The following ENOX1 variants were observed in gnomAD, a reference collection of about 807,000 sequenced individuals.
The protein encoded by ENOX1 is candidate growth-related and time keeping constitutive hydroquinone (NADH) oxidase.
ENOX1 carries 42 observed loss-of-function variants against 82.5 expected under a neutral mutation model. The ratio of observed to expected loss-of-function variants is 0.51; its 90% CI spans 0.40 to 0.66. The LOEUF (loss-of-function observed/expected upper bound fraction) is 0.66, where lower values mean the gene tolerates loss of function less well. Ranked by LOEUF, ENOX1 falls within the 30% of genes least tolerant of loss-of-function variation. ENOX1 has a pLI of 0.00. For missense variants in ENOX1, 608 were observed against 811.6 expected, an observed-to-expected ratio of 0.75 and a Z score of 3.05; for synonymous variants, 271 against 282.2, an observed-to-expected ratio of 0.96 and a Z score of 0.40.
chr13:43,324,802 C>T (rs868564812), intron 10 of ENOX1, among the ~76,000 whole-genome samples: 5 of 152,248 alleles, frequency 3.3e-5, no homozygotes, highest in South Asian at 4.1e-4. Flanking sequence ...ACCACACCCA[C>T]GCAGAGGAGG....
intron 3 of ENOX1, among the ~76,000 whole-genome samples, chr13:43,439,041 C>CTTTTTTTTT (rs61212622): frequency 1.7e-4 from 21 of 120,140 alleles, no homozygotes; most frequent in Non-Finnish European, 3.4e-4. Flanking sequence ...GTCTTTTAAT[C>CTTTTTTTTT]TTTTTTTTTT....
chr13:43,564,240 G>A (rs1020983734), intron 2 of ENOX1, among the ~76,000 whole-genome samples: 1 of 151,982 alleles, frequency 6.6e-6, no homozygotes, highest in Admixed American at 6.6e-5. Flanking sequence ...TGGATTAGAA[G>A]AATTAATATT....
intron 2 of ENOX1, among the ~76,000 whole-genome samples, chr13:43,628,613 G>T (rs1462747276): frequency 6.6e-6 from 1 of 152,186 alleles, no homozygotes; most frequent in Admixed American, 6.6e-5. Context: ...GGCAGCTATT[G>T]ACTGTCTCTT....
chr13:43,356,022 C>T lies in ENOX1; in HGVS notation c.720G>A (p.Arg240=), dbSNP rs778853119. Residue 240 remains arginine (R), a synonymous_variant, in exon 8 of 17, where the codon CGG becomes CGA. Transcript: ENST00000690772. The part of the protein sequence containing the change: ...CKQRMRAREE[R]HRRKLEEDRL... ...GGTCCTCCTCCAGCTTGCGCCGGTG[C>T]CGCTCCTCCCGGGCACGCATCCTCT... 1.2e-6 allele frequency: 2 copies of T among 1,614,072 alleles called. No individual in the cohort carries two copies. Among genetic ancestry groups the T allele is most frequent in the Non-Finnish European group, 1.7e-6 (2 of 1,180,028 alleles).
chr13:43,630,441 A>T (rs1368495103), intron 2 of ENOX1, among the ~76,000 whole-genome samples: 1 of 152,140 alleles, frequency 6.6e-6, no homozygotes, highest in Admixed American at 6.6e-5. Flanking sequence ...CTATCATTTA[A>T]GATAGAAATA....
At chr13:43,301,567 CT>C (rs1249569606) in intron 11 of ENOX1, among the ~76,000 whole-genome samples, 2 of 93,426 alleles carry the variant, frequency 2.1e-5, no homozygotes, top group Admixed American at 1.5e-4. Flanking sequence ...CCCACAACAG[CT>C]GTAATTCCCC....
At chr13:43,740,448 T>C (rs1432424384) in intron 1 of ENOX1, among the ~76,000 whole-genome samples, 1 of 152,094 alleles carries the variant, frequency 6.6e-6, no homozygotes, top group African/African-American at 2.4e-5. Flanking sequence ...AGTTGTACAA[T>C]CATGATCACA....
chr13:43,440,148 C>T (rs555227648), intron 3 of ENOX1, among the ~76,000 whole-genome samples: 4 of 152,270 alleles, frequency 2.6e-5, no homozygotes, highest in Non-Finnish European at 2.9e-5. Context: ...AGCTAAACCT[C>T]GTTCCTGTTC....
intron 1 of ENOX1, among the ~76,000 whole-genome samples, chr13:43,756,407 T>C (rs1950638653): frequency 7.3e-6 from 1 of 137,508 alleles, no homozygotes; most frequent in Admixed American, 7.7e-5. Flanking sequence ...CACTCCGGCC[T>C]GGGCGACAGA....
chr13:43,783,942 G>C (rs1952424572), intron 1 of ENOX1, among the ~76,000 whole-genome samples: 1 of 152,218 alleles, frequency 6.6e-6, no homozygotes, highest in African/African-American at 2.4e-5. Flanking sequence ...TACAGTGTGA[G>C]TATCAGGATG....
At chr13:43,580,606 C>T (rs1190194667) in intron 2 of ENOX1, among the ~76,000 whole-genome samples, 3 of 152,200 alleles carry the variant, frequency 2.0e-5, no homozygotes, top group Non-Finnish European at 4.4e-5. Context: ...TAAGCTGTTG[C>T]AAATCCTATA....
At chr13:43,538,396 T>TTTCC (rs1158088520) in intron 2 of ENOX1, among the ~76,000 whole-genome samples, 2 of 152,194 alleles carry the variant, frequency 1.3e-5, no homozygotes, top group East Asian at 3.8e-4. Flanking sequence ...TTGGGGTGGG[T>TTTCC]TAAATAACAT....
At chr13:43,539,548 ATTAT>A (rs1398319346) in intron 2 of ENOX1, among the ~76,000 whole-genome samples, 6 of 152,136 alleles carry the variant, frequency 3.9e-5, no homozygotes, top group South Asian at 2.1e-4. Flanking sequence ...TCAACTTTTA[ATTAT>A]TTATAAGTTT....
At chr13:43,657,678 GA>G (rs2084508240) in intron 2 of ENOX1, among the ~76,000 whole-genome samples, 1 of 152,242 alleles carries the variant, frequency 6.6e-6, no homozygotes, top group African/African-American at 2.4e-5. Context: ...GGTGTGGGCA[GA>G]AGCGCCTGGT....
chr13:43,246,000 C>CA, intron 14 of ENOX1, among the ~76,000 whole-genome samples: 1 of 152,276 alleles, frequency 6.6e-6, no homozygotes, highest in Non-Finnish European at 1.5e-5. Flanking sequence ...GATAAAAACT[C>CA]AGTGTAGTTT....
chr13:43,310,824 T>C (rs2047159056), intron 11 of ENOX1, among the ~76,000 whole-genome samples: 1 of 151,992 alleles, frequency 6.6e-6, no homozygotes, highest in Non-Finnish European at 1.5e-5. Flanking sequence ...ACCTCTTTAA[T>C]TCAATCAAGG....
At chr13:43,578,220 A>G (rs1033673818) in intron 2 of ENOX1, among the ~76,000 whole-genome samples, 3 of 152,348 alleles carry the variant, frequency 2.0e-5, no homozygotes, top group African/African-American at 2.4e-5. Context: ...ATCACAGGAT[A>G]TACATGACAG....
rs531341021 is a variant in ENOX1 at position 43,261,603 on chromosome 13, C to T, written c.1611+3795G>A. 1.8e-3 allele frequency among the ~76,000 whole-genome samples: 275 copies of T among 151,702 alleles called. 1 individual carries two copies. The highest frequency in any genetic ancestry group is 6.2e-3 in the African/African-American group (258 of 41,288). ...TGGAACCAACCCAAATGTCCAACAA[C>T]GATAGACTGGATTAAGAAAATGTGG... On this transcript the variant is annotated intron_variant, in intron 14 of 16. Coordinates refer to ENST00000690772, the MANE Select transcript of ENOX1 (RefSeq NM_001347969.2).
At chr13:43,291,891 A>T (rs994838554) in intron 12 of ENOX1, among the ~76,000 whole-genome samples, 2 of 152,194 alleles carry the variant, frequency 1.3e-5, no homozygotes, top group South Asian at 2.1e-4. Context: ...AGGGATCCCC[A>T]CATCTCCTTA....
Sources: gnomAD v4.1 joint callset for allele counts (sites outside exome capture counted in the v4.1 genomes callset) on GRCh38, gnomAD v4.1.1 for gene constraint, MANE v1.5 for transcripts, NCBI Gene and HGNC (gene_info 2026-07-23, HGNC 2026-07-21) for gene names.